AUTS2: variants seen among roughly 807,000 people sequenced by gnomAD.
AUTS2 encodes autism susceptibility gene 2 protein.
Under a neutral mutation model 112.4 loss-of-function variants are expected in AUTS2, and 17 were observed. The ratio of observed to expected loss-of-function variants is 0.15; its 90% CI spans 0.10 to 0.23. AUTS2 has a LOEUF of 0.23. Ranked by LOEUF, AUTS2 falls within the 10% of genes least tolerant of loss-of-function variation. AUTS2 has a pLI of 1.00. For synonymous variants in AUTS2, 751 were observed against 702.7 expected, an observed-to-expected ratio of 1.07 and a Z score of -1.09; for missense variants, 1,510 against 1,701.6, an observed-to-expected ratio of 0.89 and a Z score of 1.98.
intron 3 of AUTS2, chr7:70,120,282 G>A (rs1397589067): frequency 6.6e-6 from 1 of 152,042 alleles, no homozygotes; most frequent in Non-Finnish European, 1.5e-5. Context: ...TTATTTTTAT[G>A]TTATTTTAAT....
At chr7:69,937,510 T>TCA (rs892952243) in intron 2 of AUTS2, among the ~76,000 whole-genome samples, 6 of 152,162 alleles carry the variant, frequency 3.9e-5, no homozygotes, top group African/African-American at 1.4e-4. Flanking sequence ...TGAAACTAGA[T>TCA]CATAGTTTAC....
At chr7:69,928,543 C>T (rs1346622646) in intron 2 of AUTS2, among the ~76,000 whole-genome samples, 1 of 152,170 alleles carries the variant, frequency 6.6e-6, no homozygotes, top group Non-Finnish European at 1.5e-5. Flanking sequence ...TCTGGAGGGG[C>T]CTGAGGTAGC....
rs536939230 is a variant in AUTS2, at chr7:70,044,547, C to CT, written c.523-73583dup. Among the ~76,000 whole-genome samples, 315 of 152,210 alleles carry CT rather than the reference C, an allele frequency of 2.1e-3. 2 individuals carry two copies. The highest frequency in any genetic ancestry group is 2.4e-3 in the Admixed American group (36 of 15,298). Reference sequence around the variant, plus strand: ...GTTTGTACTAGATGTTATTCCTACTCTTAAGTGGGAGAAAAAATCTCAAAT... The same window carrying CT: ...GTTTGTACTAGATGTTATTCCTACTCTTTAAGTGGGAGAAAAAATCTCAAAT... On this transcript the variant is annotated intron_variant, in intron 2 of 18. Transcript: ENST00000342771.
intron 5 of AUTS2, among the ~76,000 whole-genome samples, chr7:70,656,577 C>T (rs939943345): frequency 3.9e-5 from 6 of 152,182 alleles, no homozygotes; most frequent in African/African-American, 1.4e-4. Context: ...CTTTCCATAA[C>T]TATTATCTGC....
At chr7:69,705,707 G>C (rs1436758258) in intron 1 of AUTS2, among the ~76,000 whole-genome samples, 1 of 152,114 alleles carries the variant, frequency 6.6e-6, no homozygotes, top group Non-Finnish European at 1.5e-5. Flanking sequence ...TCGTTGGCTA[G>C]GGCCACTGTA....
chr7:69,781,158 A>G (rs1789129740), intron 1 of AUTS2, among the ~76,000 whole-genome samples: 1 of 152,200 alleles, frequency 6.6e-6, no homozygotes, highest in South Asian at 2.1e-4. Flanking sequence ...TTAGTCCTAC[A>G]ATGAAAATGC....
At chr7:69,920,414 G>T (rs931290216) in intron 2 of AUTS2, among the ~76,000 whole-genome samples, 1 of 151,782 alleles carries the variant, frequency 6.6e-6, no homozygotes, top group Non-Finnish European at 1.5e-5. Context: ...AGTCCCCTAA[G>T]CAGCTGGTAC....
chr7:70,697,107 G>A (rs748506164), intron 5 of AUTS2, among the ~76,000 whole-genome samples: 21 of 151,944 alleles, frequency 1.4e-4, no homozygotes, highest in African/African-American at 4.8e-4. Flanking sequence ...CTTGATCTAG[G>A]TATGACTTGT....
chr7:70,670,339 G>GA lies in AUTS2; in HGVS notation c.691-28229dup, dbSNP rs1263461314. Among the ~76,000 whole-genome samples, 12 of 152,262 alleles carry GA rather than the reference G, an allele frequency of 7.9e-5. No homozygotes were observed. The East Asian group carries it at 2.1e-3, about 27-fold the overall frequency. ...CAGCGTCTTAGTCAAATTATAAATT[G>GA]ATTCCATCCACATATTAGCCCCGAT... On this transcript the variant is annotated intron_variant, in intron 5 of 18. Transcript: ENST00000342771.
intron 1 of AUTS2, among the ~76,000 whole-genome samples, chr7:69,791,576 G>C (rs913385745): frequency 3.3e-5 from 5 of 152,186 alleles, no homozygotes; most frequent in African/African-American, 1.2e-4. Context: ...TTAATGGGAA[G>C]GTGAGGAGAA....
chr7:70,453,928 G>A (rs1012236580), intron 5 of AUTS2, among the ~76,000 whole-genome samples: 1 of 152,162 alleles, frequency 6.6e-6, no homozygotes, highest in African/African-American at 2.4e-5. Flanking sequence ...GGAGACAGGC[G>A]GTCATGTGTC....
chr7:69,737,232 G>T (rs575621147), intron 1 of AUTS2, among the ~76,000 whole-genome samples: 1 of 152,148 alleles, frequency 6.6e-6, no homozygotes, highest in Admixed American at 6.5e-5. Flanking sequence ...TCTTTTTTGA[G>T]TAATATCAAC....
intron 10 of AUTS2, among the ~76,000 whole-genome samples, chr7:70,769,618 G>A (rs982714697): frequency 6.6e-6 from 1 of 152,196 alleles, no homozygotes; most frequent in Non-Finnish European, 1.5e-5. Flanking sequence ...CCGGGAGGCG[G>A]AGCTTGCAGT....
At chr7:69,630,204 C>G (rs536503448) in intron 1 of AUTS2, among the ~76,000 whole-genome samples, 6 of 152,246 alleles carry the variant, frequency 3.9e-5, no homozygotes, top group Admixed American at 3.9e-4. Context: ...TTGCAGTGAG[C>G]CGAGATCGTG....
chr7:69,846,910 C>T (rs1056376276), intron 1 of AUTS2, among the ~76,000 whole-genome samples: 11 of 152,124 alleles, frequency 7.2e-5, no homozygotes, highest in African/African-American at 2.4e-4. Flanking sequence ...TAATAATTCC[C>T]ATTTTACAGA....
intron 1 of AUTS2, among the ~76,000 whole-genome samples, chr7:69,839,041 C>T (rs888010496): frequency 6.6e-6 from 1 of 152,114 alleles, no homozygotes; most frequent in African/African-American, 2.4e-5. Context: ...AACTATGAAG[C>T]TTTTGTAGCT....
intron 1 of AUTS2, among the ~76,000 whole-genome samples, chr7:69,669,226 C>T (rs1796204632): frequency 6.6e-6 from 1 of 151,940 alleles, no homozygotes; most frequent in East Asian, 1.9e-4. Flanking sequence ...AAGAAATAAT[C>T]GCAATTTTTT....
At chr7:70,606,100 T>G (rs73179429) in intron 5 of AUTS2, among the ~76,000 whole-genome samples, 4,381 of 152,344 alleles carry the variant, frequency 0.029, 124 homozygotes, top group East Asian at 0.1. Context: ...CGACTCTGAT[T>G]TAGTTGAATA....
chr7:69,701,287 G>T (rs1263474624), intron 1 of AUTS2, among the ~76,000 whole-genome samples: 1 of 152,202 alleles, frequency 6.6e-6, no homozygotes, highest in Non-Finnish European at 1.5e-5. Flanking sequence ...CAATAAAATA[G>T]TGGGTTATGT....
Sources: allele counts gnomAD v4.1 joint callset (sites outside exome capture counted in the v4.1 genomes callset), GRCh38; gene constraint gnomAD v4.1.1; transcripts MANE v1.5; gene names NCBI Gene and HGNC (gene_info 2026-07-23, HGNC 2026-07-21).